Variants in SIDT2 observed in about 807,000 individuals in gnomAD.
SIDT2 encodes the protein SID1 transmembrane family, member 2.
Under a neutral mutation model 114.4 loss-of-function variants are expected in SIDT2, and 68 were observed. The ratio of observed to expected loss-of-function variants is 0.59; its 90% CI spans 0.49 to 0.73. The LOEUF (loss-of-function observed/expected upper bound fraction) is 0.73. Among genes scored for constraint, SIDT2 ranks in the 30% least tolerant of loss-of-function variants. The pLI, the probability that SIDT2 is intolerant of heterozygous loss-of-function variation, is 0.00. For missense variants in SIDT2, 918 were observed against 1,097.1 expected (o/e 0.84, Z 2.31); for synonymous variants, 470 against 438.4 (o/e 1.07, Z -0.90).
chr11:117,181,657 G>A, intron 2 of SIDT2, 120 bp downstream of exon 2: 1 of 1,574,740 alleles, frequency 6.4e-7, no homozygotes, highest in African/African-American at 1.3e-5. Flanking sequence ...CTGGTCAACA[G>A]CACAAGGGCC....
Position 117,196,919 on chromosome 11 carries a change from C to G in SIDT2, c.*853C>G, listed in dbSNP as rs537810276. On this transcript the variant is annotated 3_prime_UTR_variant, in exon 26 of 26. Coordinates refer to ENST00000324225, the MANE Select transcript of SIDT2 (RefSeq NM_001040455.2). This position sits in a 1 kb window ranked among gnomAD's most constrained non-coding sequence, Gnocchi z 4.9. ...GCTGGTGGCCTTTCAGTGCCATTGA[C>G]ACTGCCCAAGAATGTCCAGGGGCAA... 5 of 152,864 alleles carry G rather than the reference C, an allele frequency of 3.3e-5. No individual in the cohort carries two copies. The highest frequency in any genetic ancestry group is 2.0e-4 in the Admixed American group (3 of 15,306). 9.5% of individuals were successfully genotyped at this position (152,864 alleles called of 1,614,324 possible). A position where few individuals can be genotyped will look rare whatever the true frequency, so the allele number is the denominator to read the frequency against.
intron 4 of SIDT2, 95 bp from the exon 5 acceptor site, chr11:117,182,424 T>G: frequency 8.9e-7 from 1 of 1,126,816 alleles, no homozygotes; most frequent in East Asian, 2.4e-5. Context: ...CTCAGAGGAT[T>G]CTGGGTCCTC....
At position 117,197,314 on chromosome 11, in the gene SIDT2, G is replaced by C. The variant is rs1004373499; in HGVS notation, c.*1248G>C. The C allele has an allele frequency of 2.6e-5, 4 of 152,638 alleles. No homozygotes were observed. Among genetic ancestry groups the C allele is most frequent in the Non-Finnish European group, 4.4e-5 (3 of 68,044 alleles). 9.5% of individuals were successfully genotyped at this position (152,638 alleles called of 1,614,324 possible). On this transcript the variant is annotated 3_prime_UTR_variant, in exon 26 of 26. Coordinates refer to ENST00000324225, the MANE Select transcript of SIDT2 (RefSeq NM_001040455.2). ...GGGAATGTGTTTTTCTCCCAAACTT[G>C]TTTTTATAGCTCTGCTTGAAGGGCT...
chr11:117,182,501 T>A lies in SIDT2; in HGVS notation c.517-18T>A. ...ATCCTCATGAGATGGGGCTCTCCCT[T>A]CCTTCCTGCACCCTCAGTACTTCAA... is the stretch of plus-strand genomic sequence containing the variant. On this transcript the variant is annotated intron_variant, in intron 4 of 25. Transcript: ENST00000324225. 1 of 1,609,246 alleles carries A rather than the reference T, an allele frequency of 6.2e-7. No individual in the cohort carries two copies. Among genetic ancestry groups the A allele is most frequent in the Non-Finnish European group, 8.5e-7 (1 of 1,175,514 alleles).
Position 117,192,121 on chromosome 11 carries a change from T to A in SIDT2, c.1872+107T>A. 6.4e-7 allele frequency: 1 copy of A among 1,563,982 alleles called. No individual in the cohort carries two copies. Among genetic ancestry groups the A allele is most frequent in the South Asian group, 1.2e-5 (1 of 86,388 alleles). On this transcript the variant is annotated intron_variant, in intron 19 of 25. Coordinates refer to ENST00000324225, the MANE Select transcript of SIDT2 (RefSeq NM_001040455.2). The surrounding 1 kb of genome is among the most constrained non-coding windows in gnomAD (Gnocchi z 5.9). ...CACCTCCTGCATGAGAGATTCCTGC[T>A]CCTTCCCTGAGATGCCTTCCTGGGC... is the stretch of plus-strand genomic sequence containing the variant.
rs902615548 is a variant in SIDT2, at chr11:117,188,211, T to A, written c.1160-497T>A. 5.7e-6 allele frequency: 2 copies of A among 351,692 alleles called. No individual in the cohort carries two copies. Among genetic ancestry groups the A allele is most frequent in the African/African-American group, 4.3e-5 (2 of 46,698 alleles). 21.8% of individuals were successfully genotyped at this position (351,692 alleles called of 1,614,324 possible). On this transcript the variant is annotated intron_variant, in intron 12 of 25. Coordinates refer to ENST00000324225, the MANE Select transcript of SIDT2 (RefSeq NM_001040455.2). The surrounding 1 kb of genome is among the most constrained non-coding windows in gnomAD (Gnocchi z 4.0). ...CAGCGCCCTCACTCCCTGGCCTGCT[T>A]GGGGAGGGCTCACAGGCATGGGGGT...
Position 117,192,598 on chromosome 11 carries a change from T to C in SIDT2, c.2006T>C (p.Leu669Pro). ...GACTCGGGGATCTTCCGCCGCATCC[T>C]CCACGTGCTCTACACAGACTGCATC... ...KLDSGIFRRI[L>P]HVLYTDCIRQ... The change falls in exon 21 of 26, where the codon CTC (leucine) becomes CCC (proline). Residue 669 changes from leucine (L) to proline (P), a missense_variant. Physicochemically the swap from Leu to Pro is moderately conservative, Grantham distance 98. This residue lies in a region of SIDT2 where 275 missense variants were observed against 397.6 expected (regional missense o/e 0.69). Transcript: ENST00000324225. This position sits in a 1 kb window ranked among gnomAD's most constrained non-coding sequence, Gnocchi z 5.9. The C allele has an allele frequency of 6.2e-7, 1 of 1,606,464 alleles. No homozygotes were observed. Among genetic ancestry groups the C allele is most frequent in the Non-Finnish European group, 8.5e-7 (1 of 1,178,134 alleles).
In SIDT2 at chr11:117,187,034, G is replaced by A. The variant is rs985298411; in HGVS notation, c.1016-344G>A. 5 of 1,455,610 alleles carry A rather than the reference G, an allele frequency of 3.4e-6. No homozygotes were observed. The African/African-American group carries it at 5.6e-5, about 16-fold the overall frequency. 90.2% of individuals were successfully genotyped at this position (1,455,610 alleles called of 1,614,324 possible). A position where few individuals can be genotyped will look rare whatever the true frequency, so the allele number is the denominator to read the frequency against. ...CCAGGTGCTGTGGGCAGAGGAGCTG[G>A]AGTCCAGAGTAGGGGAGGGAGGGTG... On this transcript the variant is annotated intron_variant, in intron 10 of 25. Coordinates refer to ENST00000324225, the MANE Select transcript of SIDT2 (RefSeq NM_001040455.2).
intron 15 of SIDT2, 197 bp downstream of exon 15, chr11:117,189,598 G>A: frequency 1.6e-6 from 1 of 631,502 alleles, no homozygotes; most frequent in East Asian, 2.7e-5. Context: ...TCTGCAAAAT[G>A]GGAGCAGCCC....
chr11:117,179,023 C>A lies in SIDT2; in HGVS notation c.-241C>A. ...CCCCTCGCGAGCTGGGACCCCTTCC[C>A]GTAGCCAGCATCCCCTCCCTCCCCG... On this transcript the variant is annotated 5_prime_UTR_variant, in exon 1 of 26. Transcript: ENST00000324225. The A allele has an allele frequency of 1.8e-6, 1 of 552,416 alleles. No homozygotes were observed. The highest frequency in any genetic ancestry group is 3.2e-6 in the Non-Finnish European group (1 of 311,100). The allele number at this position is 552,416 out of a possible 1,614,324, so 34.2% of individuals were successfully genotyped here. A position where few individuals can be genotyped will look rare whatever the true frequency, so the allele number is the denominator to read the frequency against.
At chr11:117,183,406 G>A (rs749589879) in intron 6 of SIDT2, among the ~76,000 whole-genome samples, 2 of 151,930 alleles carry the variant, frequency 1.3e-5, no homozygotes, top group Non-Finnish European at 2.9e-5. Context: ...GGGAGGCTGA[G>A]GCGGGCAGAT....
At chr11:117,195,085 CAAAAAAAAAA>C (rs55970874) in intron 24 of SIDT2, among the ~76,000 whole-genome samples, 1,301 of 45,672 alleles carry the variant, frequency 0.028, 22 homozygotes, top group Non-Finnish European at 0.044. Context: ...GACTCTGTCT[CAAAAAAAAAA>C]AAAAAAAAAA....
rs1448039724 is a variant in SIDT2 at position 117,182,582 on chromosome 11, G to C, written c.580G>C (p.Ala194Pro). The change falls in exon 5 of 26, where the codon GCC becomes CCC. Residue 194 changes from alanine (A) to proline (P), a missense_variant. Physicochemically the swap from Ala to Pro is conservative, Grantham distance 27. Coordinates refer to ENST00000324225, the MANE Select transcript of SIDT2 (RefSeq NM_001040455.2). ...SVIVKVTSNK[A>P]FPCSVISIQD... ...AATTGTCAAGGTGACCTCCAACAAG[G>C]CCTTCCCCTGCTCAGTCATCTCCAT... The C allele has an allele frequency of 6.2e-7, 1 of 1,614,094 alleles. No individual in the cohort carries two copies. Among genetic ancestry groups the C allele is most frequent in the Non-Finnish European group, 8.5e-7 (1 of 1,180,040 alleles).
chr11:117,181,307 T>G, intron 1 of SIDT2, 109 bp from the exon 2 acceptor site: 1 of 1,520,940 alleles, frequency 6.6e-7, no homozygotes, highest in Non-Finnish European at 8.9e-7. Flanking sequence ...CCGACCAAGA[T>G]GGAGAAAGAC....
In SIDT2 at chr11:117,179,133, C is replaced by T; in HGVS notation, c.-131C>T. On this transcript the variant is annotated 5_prime_UTR_variant, in exon 1 of 26. Coordinates refer to ENST00000324225, the MANE Select transcript of SIDT2 (RefSeq NM_001040455.2). ...GAGGGGACATTTCCTAATCTCAGGC[C>T]GGGGTTAAAGTTCTGGTCCTGGTGA... The T allele has an allele frequency of 1.2e-6, 1 of 848,252 alleles. No homozygotes were observed. Among genetic ancestry groups the T allele is most frequent in the Non-Finnish European group, 1.8e-6 (1 of 559,318 alleles). The allele number at this position is 848,252 out of a possible 1,614,324, so 52.5% of individuals were successfully genotyped here.
intron 24 of SIDT2, among the ~76,000 whole-genome samples, chr11:117,195,523 C>T (rs983067142): frequency 2.6e-5 from 4 of 152,138 alleles, no homozygotes; most frequent in Non-Finnish European, 1.5e-5. Context: ...TTGTTGCAAC[C>T]CTGTGCTCTT....
At position 117,179,283 on chromosome 11, in the gene SIDT2, CCTT is replaced by C. The variant is rs753061367; in HGVS notation, c.24_26del (p.Phe8del). The C allele has an allele frequency of 1.2e-5, 19 of 1,613,530 alleles. No homozygotes were observed. Among genetic ancestry groups the C allele is most frequent in the African/African-American group, 5.3e-5 (4 of 74,892 alleles). ...GGGGCCATGTTCGCTCTGGGCTTGCCCTTCTTGGTGCTCTTGGTGGCCTCGGTC... is the reference window on the plus strand; with the variant it reads ...GGGGCCATGTTCGCTCTGGGCTTGCCCTTGGTGCTCTTGGTGGCCTCGGTC... On this transcript the variant is annotated inframe_deletion, in exon 1 of 26. Transcript: ENST00000324225.
In SIDT2 at chr11:117,188,971, T is replaced by C. The variant is rs987876908; in HGVS notation, c.1278+145T>C. The C allele has an allele frequency of 2.0e-6, 2 of 999,196 alleles. No homozygotes were observed. The highest frequency in any genetic ancestry group is 3.2e-5 in the African/African-American group (2 of 63,146). The allele number at this position is 999,196 out of a possible 1,614,324, so 61.9% of individuals were successfully genotyped here. Reference sequence around the variant, plus strand: ...GGGGCAGGGCAGATGCCGGGGAAACTAACCTGACCTCCAACCCCTTCCGGC... The same window carrying C: ...GGGGCAGGGCAGATGCCGGGGAAACCAACCTGACCTCCAACCCCTTCCGGC... On this transcript the variant is annotated intron_variant, in intron 13 of 25. Coordinates refer to ENST00000324225, the MANE Select transcript of SIDT2 (RefSeq NM_001040455.2). The surrounding 1 kb of genome is among the most constrained non-coding windows in gnomAD (Gnocchi z 4.0).
chr11:117,189,013 T>G, intron 13 of SIDT2, 156 bp from the exon 14 acceptor site: 1 of 987,740 alleles, frequency 1.0e-6, no homozygotes, highest in Non-Finnish European at 1.6e-6. Flanking sequence ...GGCCAAACCC[T>G]CTTGGTCTAA....
Sources: allele counts gnomAD v4.1 joint callset (sites outside exome capture counted in the v4.1 genomes callset), GRCh38; gene constraint gnomAD v4.1.1; regional missense constraint gnomAD v4.1.1; non-coding constraint Gnocchi (gnomAD v3.1); transcripts MANE v1.5; gene names NCBI Gene and HGNC (gene_info 2026-07-23, HGNC 2026-07-21).